Variants in RFT1 observed in about 807,000 individuals in gnomAD.
The protein encoded by RFT1 is man(5)GlcNAc(2)-PP-dolichol translocation protein RFT1.
In RFT1, 43 loss-of-function variants were observed where a neutral mutation model predicts 62.2. The observed-to-expected ratio is 0.69, with a 90% CI of 0.54 to 0.89. The LOEUF (loss-of-function observed/expected upper bound fraction) is 0.89. Among genes scored for constraint, RFT1 ranks in the 40% least tolerant of loss-of-function variants. The pLI is 0.00. For synonymous variants in RFT1, 262 were observed against 264.6 expected (o/e 0.99, Z 0.10); for missense variants, 605 against 649.9 (o/e 0.93, Z 0.75).
chr3:53,130,199 G>C (rs1575509044), intron 1 of RFT1, 139 bp downstream of exon 1: 1 of 860,838 alleles, frequency 1.2e-6, no homozygotes, highest in African/African-American at 1.7e-5. Flanking sequence ...ACCGTCTCCG[G>C]TCGACCCCCC....
chr3:53,073,961 G>A, the RFT1 span, among the ~76,000 whole-genome samples: 1 of 152,202 alleles, frequency 6.6e-6, no homozygotes, highest in African/African-American at 2.4e-5. Flanking sequence ...GCACTAATTG[G>A]ACGACTGGGA....
chr3:53,102,898 T>C (rs2107105447), intron 10 of RFT1, among the ~76,000 whole-genome samples: 1 of 152,346 alleles, frequency 6.6e-6, no homozygotes, highest in South Asian at 2.1e-4. Context: ...AGGCTGCTCC[T>C]TGGTGATTGC....
At position 53,123,706 on chromosome 3, in the gene RFT1, T is replaced by C. The variant is rs1702030428; in HGVS notation, c.266+18A>G. The C allele has an allele frequency of 6.3e-7, 1 of 1,596,994 alleles. No homozygotes were observed. The highest frequency in any genetic ancestry group is 8.6e-7 in the Non-Finnish European group (1 of 1,164,438). On this transcript the variant is annotated intron_variant, in intron 3 of 12. Coordinates refer to ENST00000296292, the MANE Select transcript of RFT1 (RefSeq NM_052859.4). ...ACCTGCCTTCCTGAAACGTGTCTCC[T>C]GCCAAAGCACAACTCACGTTAGCCA...
intron 3 of RFT1, 35 bp from the exon 4 acceptor site, chr3:53,122,598 T>C: frequency 7.4e-7 from 1 of 1,343,140 alleles, no homozygotes; most frequent in Non-Finnish European, 1.0e-6. Flanking sequence ...CACTAAATTT[T>C]AAAATAAATA....
At chr3:53,078,587 A>T in the RFT1 span, among the ~76,000 whole-genome samples, 24 of 152,236 alleles carry the variant, frequency 1.6e-4, no homozygotes, top group East Asian at 7.7e-4. Flanking sequence ...AATAATTTTT[A>T]AAAAATTAGT....
At chr3:53,074,152 G>A in the RFT1 span, among the ~76,000 whole-genome samples, 35 of 152,252 alleles carry the variant, frequency 2.3e-4, no homozygotes, top group African/African-American at 7.9e-4. Context: ...TCTGGAAGAC[G>A]GAAATTGTCC....
At chr3:53,084,291 T>A (rs1700813145), downstream of RFT1, among the ~76,000 whole-genome samples, 3 of 152,240 alleles carry the variant, frequency 2.0e-5, no homozygotes, top group South Asian at 6.2e-4. Flanking sequence ...GCACCCCTTA[T>A]GCCATTCCCC....
At chr3:53,122,932 A>G (rs1702011572) in intron 3 of RFT1, among the ~76,000 whole-genome samples, 1 of 152,224 alleles carries the variant, frequency 6.6e-6, no homozygotes, top group Non-Finnish European at 1.5e-5. Flanking sequence ...CAGAAAGAAA[A>G]TGCCTGTTGT....
At chr3:53,104,762 A>ATTCT (rs1320272390) in intron 9 of RFT1, among the ~76,000 whole-genome samples, 2 of 152,250 alleles carry the variant, frequency 1.3e-5, no homozygotes, top group African/African-American at 4.8e-5. Flanking sequence ...TATTCTAAGA[A>ATTCT]AAGTCAGACA....
chr3:53,117,715 G>A (rs1701848982), intron 6 of RFT1, among the ~76,000 whole-genome samples: 1 of 152,166 alleles, frequency 6.6e-6, no homozygotes. Context: ...CAGTGTGACG[G>A]TGGTGATATC....
chr3:53,115,299 A>T (rs1421697504), intron 6 of RFT1, among the ~76,000 whole-genome samples: 1 of 152,194 alleles, frequency 6.6e-6, no homozygotes, highest in African/African-American at 2.4e-5. Flanking sequence ...CTCATCTGCA[A>T]AATGGGATAA....
intron 11 of RFT1, among the ~76,000 whole-genome samples, chr3:53,098,422 C>T (rs1289015649): frequency 1.3e-5 from 2 of 152,124 alleles, no homozygotes; most frequent in East Asian, 1.9e-4. Flanking sequence ...GGAAGGGTCC[C>T]CATTTGAGAC....
chr3:53,122,631 C>A (rs1702003377), intron 3 of RFT1, 68 bp from the exon 4 acceptor site: 2 of 1,018,548 alleles, frequency 2.0e-6, no homozygotes, highest in Non-Finnish European at 1.3e-6. Flanking sequence ...AAAATAGTAA[C>A]ACTGAACAGA....
In RFT1 at chr3:53,091,652, T is replaced by C. The variant is rs1700989883; in HGVS notation, c.*251A>G. The C allele has an allele frequency of 1.9e-6, 1 of 522,884 alleles. No individual in the cohort carries two copies. 32.4% of individuals were successfully genotyped at this position (522,884 alleles called of 1,614,324 possible). A position where few individuals can be genotyped will look rare whatever the true frequency, so the allele number is the denominator to read the frequency against. ...TAGTAAAAGAGAAAATGCTGATTAC[T>C]ATAAAATGATAAAAAACTATTATTT... On this transcript the variant is annotated 3_prime_UTR_variant, in exon 13 of 13. Transcript: ENST00000296292.
chr3:53,073,926 T>C, the RFT1 span, among the ~76,000 whole-genome samples: 1 of 152,302 alleles, frequency 6.6e-6, no homozygotes, highest in East Asian at 1.9e-4. Context: ...ACCCCACACA[T>C]GCACACACTT....
chr3:53,079,200 C>T, the RFT1 span, among the ~76,000 whole-genome samples: 1 of 152,174 alleles, frequency 6.6e-6, no homozygotes, highest in Non-Finnish European at 1.5e-5. Flanking sequence ...AGTGGGCTGT[C>T]GGATCAGAAC....
At chr3:53,077,257 A>G in the RFT1 span, among the ~76,000 whole-genome samples, 1 of 152,352 alleles carries the variant, frequency 6.6e-6, no homozygotes, top group African/African-American at 2.4e-5. Context: ...GACACAGCAG[A>G]GCTGGAACCT....
At chr3:53,111,600 A>C (rs1423894676) in intron 7 of RFT1, among the ~76,000 whole-genome samples, 1 of 152,122 alleles carries the variant, frequency 6.6e-6, no homozygotes. Context: ...ATGAAGGGGA[A>C]CAATATGTTT....
At chr3:53,125,061 G>A (rs1702072210) in intron 2 of RFT1, among the ~76,000 whole-genome samples, 1 of 152,154 alleles carries the variant, frequency 6.6e-6, no homozygotes, top group East Asian at 1.9e-4. Flanking sequence ...ATCACCTAAG[G>A]AGCTTATAAA....
Sources: gnomAD v4.1 joint callset for allele counts (sites outside exome capture counted in the v4.1 genomes callset) on GRCh38, gnomAD v4.1.1 for gene constraint, MANE v1.5 for transcripts, NCBI Gene and HGNC (gene_info 2026-07-23, HGNC 2026-07-21) for gene names.